Variants in PLCL1 observed in about 807,000 individuals in gnomAD.
PLCL1 encodes the protein inactive phospholipase C-like protein 1.
A neutral mutation model predicts 84.4 loss-of-function variants in PLCL1; 41 were observed. The ratio of observed to expected loss-of-function variants is 0.49; its 90% CI spans 0.38 to 0.63. The LOEUF (loss-of-function observed/expected upper bound fraction) is 0.63, where lower values mean the gene tolerates loss of function less well. Among genes scored for constraint, PLCL1 ranks in the 30% least tolerant of loss-of-function variants. PLCL1 has a pLI of 0.00. For missense variants in PLCL1, 1,206 were observed against 1,367.8 expected (o/e 0.88, Z 1.87); for synonymous variants, 490 against 488.3 (o/e 1.00, Z -0.05).
intron 1 of PLCL1, among the ~76,000 whole-genome samples, chr2:197,970,591 T>C (rs1367346602): frequency 6.6e-6 from 1 of 152,346 alleles, no homozygotes; most frequent in East Asian, 1.9e-4. Flanking sequence ...ATATTTTGGA[T>C]ATATTAGGTT....
chr2:198,030,812 A>C (rs1215642722), intron 1 of PLCL1, among the ~76,000 whole-genome samples: 1 of 152,088 alleles, frequency 6.6e-6, no homozygotes, highest in Non-Finnish European at 1.5e-5. Context: ...TTTCTACTCC[A>C]TTGTCTCTGA....
At chr2:197,813,329 T>A (rs1367693719) in intron 1 of PLCL1, among the ~76,000 whole-genome samples, 1 of 152,186 alleles carries the variant, frequency 6.6e-6, no homozygotes, top group Non-Finnish European at 1.5e-5. Context: ...AGTTTCTTAA[T>A]CATTGATGGT....
At chr2:197,978,337 C>T (rs1400419155) in intron 1 of PLCL1, among the ~76,000 whole-genome samples, 4 of 151,886 alleles carry the variant, frequency 2.6e-5, no homozygotes, top group Admixed American at 6.6e-5. Context: ...ATTGGCCGGG[C>T]GTGGTGGTGG....
chr2:198,046,053 T>C (rs1691780321), intron 1 of PLCL1, among the ~76,000 whole-genome samples: 1 of 152,170 alleles, frequency 6.6e-6, no homozygotes, highest in African/African-American at 2.4e-5. Flanking sequence ...TAGTTTAAGT[T>C]TGAGGTTGGC....
At chr2:197,875,148 T>C (rs1208655811) in intron 1 of PLCL1, among the ~76,000 whole-genome samples, 3 of 152,014 alleles carry the variant, frequency 2.0e-5, no homozygotes, top group Admixed American at 6.6e-5. Flanking sequence ...TAGCTGGGTG[T>C]GGTGGTGTGC....
chr2:197,884,828 T>G (rs1416976915), intron 1 of PLCL1, among the ~76,000 whole-genome samples: 1 of 152,196 alleles, frequency 6.6e-6, no homozygotes, highest in African/African-American at 2.4e-5. Context: ...AATTCCCTGC[T>G]TCTTGTGTTG....
At chr2:197,851,839 C>T (rs1687245154) in intron 1 of PLCL1, among the ~76,000 whole-genome samples, 1 of 152,292 alleles carries the variant, frequency 6.6e-6, no homozygotes, top group Non-Finnish European at 1.5e-5. Flanking sequence ...GCACCTGGCC[C>T]CATTCCCCTG....
intron 1 of PLCL1, among the ~76,000 whole-genome samples, chr2:197,863,780 G>A (rs771443853): frequency 2.0e-5 from 3 of 152,050 alleles, no homozygotes; most frequent in East Asian, 1.9e-4. Flanking sequence ...AAGTCATCCC[G>A]TGTATAAACA....
chr2:197,886,475 A>C (rs1574931627), intron 1 of PLCL1, among the ~76,000 whole-genome samples: 1 of 146,308 alleles, frequency 6.8e-6, no homozygotes, highest in East Asian at 2.1e-4. Flanking sequence ...AAATAGGTGC[A>C]TCCCAGTTCC....
chr2:198,052,664 G>A (rs1176870078), intron 1 of PLCL1, among the ~76,000 whole-genome samples: 5 of 152,158 alleles, frequency 3.3e-5, no homozygotes, highest in Non-Finnish European at 5.9e-5. Flanking sequence ...ATGAAGCAAT[G>A]AGTAAAAATA....
At chr2:197,861,759 TG>T (rs533489228) in intron 1 of PLCL1, among the ~76,000 whole-genome samples, 2 of 152,074 alleles carry the variant, frequency 1.3e-5, no homozygotes, top group East Asian at 1.9e-4. Context: ...GCTTGGTGTA[TG>T]GGGGGGAACC....
Position 197,871,528 on chromosome 2 carries a change from C to T in PLCL1, c.240+66189C>T, listed in dbSNP as rs537455077. The stretch of plus-strand genomic sequence containing the variant: ...TTACCACACCCTTGTTGGCTTAAAA[C>T]GGAAATTCATTTTCTCATGGTTTTG... On this transcript the variant is annotated intron_variant, in intron 1 of 5. Coordinates refer to ENST00000428675, the MANE Select transcript of PLCL1 (RefSeq NM_006226.4). Among the ~76,000 whole-genome samples, 12 of 152,154 alleles carry T rather than the reference C, an allele frequency of 7.9e-5. No homozygotes were observed. The South Asian group carries it at 1.0e-3, about 13-fold the overall frequency.
At chr2:197,935,733 C>G (rs553084146) in intron 1 of PLCL1, among the ~76,000 whole-genome samples, 1 of 152,266 alleles carries the variant, frequency 6.6e-6, no homozygotes, top group East Asian at 1.9e-4. Context: ...ACCTATACAA[C>G]AAACCTGCAT....
intron 1 of PLCL1, among the ~76,000 whole-genome samples, chr2:198,008,705 T>C (rs767456068): frequency 6.6e-6 from 1 of 152,080 alleles, no homozygotes. Context: ...CTGAATTCTT[T>C]TGGATATATA....
At chr2:198,146,692 A>G in intron 5 of PLCL1, 88 bp from the exon 6 acceptor site, 1 of 1,065,150 alleles carries the variant, frequency 9.4e-7, no homozygotes, top group African/African-American at 1.6e-5. Context: ...TTATTCAGCA[A>G]TGGGCAGTAA....
intron 1 of PLCL1, among the ~76,000 whole-genome samples, chr2:198,077,069 C>A (rs1245885085): frequency 6.6e-6 from 1 of 152,184 alleles, no homozygotes; most frequent in East Asian, 1.9e-4. Context: ...ATTTATTACT[C>A]TCTGCCTCTG....
rs1408934392 is a variant in PLCL1, at chr2:198,149,070, G to A, written c.*2108G>A. 6.6e-6 allele frequency: 1 copy of A among 152,464 alleles called. No homozygotes were observed. The highest frequency in any genetic ancestry group is 2.4e-5 in the African/African-American group (1 of 41,440). 9.4% of individuals were successfully genotyped at this position (152,464 alleles called of 1,614,324 possible). ...ACTGGGTGTCCTTGCTAGATGGGGA[G>A]TGAGATGTGGAGCAGGGAGGAGCTT... On this transcript the variant is annotated 3_prime_UTR_variant, in exon 6 of 6. Transcript: ENST00000428675.
intron 1 of PLCL1, among the ~76,000 whole-genome samples, chr2:198,054,869 G>C (rs576532762): frequency 2.0e-5 from 3 of 152,280 alleles, no homozygotes; most frequent in Admixed American, 2.0e-4. Context: ...ATGTACTGGG[G>C]CATTATGGAA....
intron 1 of PLCL1, among the ~76,000 whole-genome samples, chr2:197,950,094 G>A (rs1689359222): frequency 6.6e-6 from 1 of 152,158 alleles, no homozygotes; most frequent in South Asian, 2.1e-4. Context: ...ATTTTGGATA[G>A]CAAAGACAAT....
Sources: allele counts gnomAD v4.1 joint callset (sites outside exome capture counted in the v4.1 genomes callset), GRCh38; gene constraint gnomAD v4.1.1; transcripts MANE v1.5; gene names NCBI Gene and HGNC (gene_info 2026-07-23, HGNC 2026-07-21).